Variants in MSRA observed in about 807,000 individuals in gnomAD.
The protein encoded by MSRA is methionine sulfoxide reductase A.
MSRA carries 54 observed loss-of-function variants against 31.3 expected under a neutral mutation model. The observed-to-expected ratio is 1.73, with a 90% confidence interval of 1.39 to 2.17. MSRA has a LOEUF of 2.17. Among genes scored for constraint, MSRA ranks in the 30% most tolerant of loss-of-function variants. The pLI is 0.00. For missense variants in MSRA, 507 were observed against 300.9 expected, an observed-to-expected ratio of 1.69 and a Z score of -5.07; for synonymous variants, 169 against 116.5, an observed-to-expected ratio of 1.45 and a Z score of -2.90.
Position 10,240,874 on chromosome 8 carries a change from C to A in MSRA, c.212-4230C>A, listed in dbSNP as rs188321954. Among the ~76,000 whole-genome samples, 739 of 152,176 alleles carry A rather than the reference C, an allele frequency of 4.9e-3. 6 individuals are homozygous for A. Among genetic ancestry groups the A allele is most frequent in the African/African-American group, 0.016 (684 of 41,518 alleles). ...CCCAAATCGGCCTTTCTCTCTGCCCCCAGCTGGTTTTACAGGATCGCCACA... is the reference window on the plus strand; with the variant it reads ...CCCAAATCGGCCTTTCTCTCTGCCCACAGCTGGTTTTACAGGATCGCCACA... On this transcript the variant is annotated intron_variant, in intron 2 of 5. Coordinates refer to ENST00000317173, the MANE Select transcript of MSRA (RefSeq NM_012331.5).
At chr8:10,176,092 A>G (rs1563183804) in intron 1 of MSRA, among the ~76,000 whole-genome samples, 2 of 152,354 alleles carry the variant, frequency 1.3e-5, no homozygotes, top group East Asian at 1.9e-4. Flanking sequence ...AATAGGACCT[A>G]TTAGATCTGT....
At chr8:10,126,255 G>A (rs1801487708) in intron 1 of MSRA, among the ~76,000 whole-genome samples, 1 of 152,204 alleles carries the variant, frequency 6.6e-6, no homozygotes, top group South Asian at 2.1e-4. Context: ...GATGGTTTTA[G>A]TTACTTCTTT....
intron 1 of MSRA, among the ~76,000 whole-genome samples, chr8:10,197,638 C>G (rs539620081): frequency 6.6e-6 from 1 of 152,228 alleles, no homozygotes; most frequent in Admixed American, 6.5e-5. Context: ...GATCCCCAGG[C>G]CTTGGTGGGG....
At chr8:10,324,460 C>A (rs1802248177) in intron 5 of MSRA, among the ~76,000 whole-genome samples, 2 of 152,250 alleles carry the variant, frequency 1.3e-5, no homozygotes, top group South Asian at 4.2e-4. Flanking sequence ...AACATGGGTT[C>A]CTGCCCATCA....
chr8:10,114,302 G>A (rs903546768), intron 1 of MSRA, among the ~76,000 whole-genome samples: 5 of 152,126 alleles, frequency 3.3e-5, no homozygotes, highest in Non-Finnish European at 4.4e-5. Flanking sequence ...GAACATTGGC[G>A]GACAAGTTCT....
intron 4 of MSRA, among the ~76,000 whole-genome samples, chr8:10,316,418 TG>T (rs1440021725): frequency 6.6e-6 from 1 of 152,098 alleles, no homozygotes; most frequent in Non-Finnish European, 1.5e-5. Flanking sequence ...GGCAGGGATA[TG>T]GGTTTACTAA....
At chr8:10,366,701 C>T (rs999447524) in intron 5 of MSRA, among the ~76,000 whole-genome samples, 12 of 152,290 alleles carry the variant, frequency 7.9e-5, no homozygotes, top group East Asian at 1.9e-4. Flanking sequence ...TTGCTGGGGA[C>T]GTCTGTCCAT....
intron 1 of MSRA, among the ~76,000 whole-genome samples, chr8:10,130,022 C>T (rs1801785036): frequency 6.6e-6 from 1 of 152,200 alleles, no homozygotes; most frequent in African/African-American, 2.4e-5. Flanking sequence ...GCAGTACCTA[C>T]ATCCCTTGGA....
Position 10,319,871 on chromosome 8 carries a change from C to G in MSRA, c.437-12C>G. 2.0e-6 allele frequency: 3 copies of G among 1,500,060 alleles called. No individual in the cohort carries two copies. Among genetic ancestry groups the G allele is most frequent in the Non-Finnish European group, 2.7e-6 (3 of 1,117,288 alleles). 92.9% of individuals were successfully genotyped at this position (1,500,060 alleles called of 1,614,324 possible). A position where few individuals can be genotyped will look rare whatever the true frequency, so the allele number is the denominator to read the frequency against. Reference sequence around the variant, plus strand: ...GTGACCGGGTAACCCTCCCTGTTTTCTGCTTTCCTAGGTATGCGCCAGGGG... The same window carrying G: ...GTGACCGGGTAACCCTCCCTGTTTTGTGCTTTCCTAGGTATGCGCCAGGGG... On this transcript the variant is annotated splice_polypyrimidine_tract_variant and intron_variant, in intron 4 of 5. Coordinates refer to ENST00000317173, the MANE Select transcript of MSRA (RefSeq NM_012331.5).
intron 1 of MSRA, among the ~76,000 whole-genome samples, chr8:10,056,339 T>C (rs985889432): frequency 6.6e-6 from 1 of 152,128 alleles, no homozygotes; most frequent in African/African-American, 2.4e-5. Flanking sequence ...TCCTAATATG[T>C]AAATGACATT....
intron 1 of MSRA, among the ~76,000 whole-genome samples, chr8:10,137,322 G>A (rs1403823316): frequency 6.6e-6 from 1 of 152,162 alleles, no homozygotes; most frequent in Non-Finnish European, 1.5e-5. Context: ...GTTTGACTTA[G>A]GAACGTCTTG....
At chr8:10,137,691 C>A (rs1802386788) in intron 1 of MSRA, among the ~76,000 whole-genome samples, 1 of 152,122 alleles carries the variant, frequency 6.6e-6, no homozygotes, top group Non-Finnish European at 1.5e-5. Flanking sequence ...GGACCTTGTG[C>A]ACAAAGTGGG....
At chr8:10,427,215 G>A (rs1459780641) in intron 5 of MSRA, among the ~76,000 whole-genome samples, 1 of 152,202 alleles carries the variant, frequency 6.6e-6, no homozygotes, top group African/African-American at 2.4e-5. Flanking sequence ...GTGAGAGTGG[G>A]TTGAGCCTCT....
At chr8:10,084,118 G>A (rs1480191187) in intron 1 of MSRA, among the ~76,000 whole-genome samples, 1 of 152,212 alleles carries the variant, frequency 6.6e-6, no homozygotes, top group Non-Finnish European at 1.5e-5. Context: ...GCATTTCAGC[G>A]ACCCTGCTGC....
intron 1 of MSRA, among the ~76,000 whole-genome samples, chr8:10,055,071 C>T (rs1008504414): frequency 1.3e-5 from 2 of 152,214 alleles, no homozygotes; most frequent in Non-Finnish European, 2.9e-5. Context: ...AGGGCACCTG[C>T]AGCGGGGCTG....
intron 1 of MSRA, among the ~76,000 whole-genome samples, chr8:10,193,749 G>C (rs1160423389): frequency 1.3e-5 from 2 of 152,144 alleles, no homozygotes; most frequent in Non-Finnish European, 2.9e-5. Flanking sequence ...ATGAATATGC[G>C]CTGGGTTATC....
At chr8:10,261,381 C>G (rs1705735674) in intron 3 of MSRA, among the ~76,000 whole-genome samples, 1 of 113,994 alleles carries the variant, frequency 8.8e-6, no homozygotes, top group Admixed American at 1.1e-4. Flanking sequence ...GGTATATAAT[C>G]TGTTACTTAA....
chr8:10,352,281 A>T (rs771296621), intron 5 of MSRA, among the ~76,000 whole-genome samples: 38 of 152,352 alleles, frequency 2.5e-4, no homozygotes, highest in Non-Finnish European at 4.9e-4. Flanking sequence ...ATATGAAGAC[A>T]TTACAATAAT....
At chr8:10,347,784 A>G (rs1043802804) in intron 5 of MSRA, among the ~76,000 whole-genome samples, 9 of 152,180 alleles carry the variant, frequency 5.9e-5, no homozygotes, top group East Asian at 1.9e-4. Flanking sequence ...TGACTTTTCA[A>G]TCCCGTTACC....
Sources: gnomAD v4.1 joint callset for allele counts (sites outside exome capture counted in the v4.1 genomes callset) on GRCh38, gnomAD v4.1.1 for gene constraint, MANE v1.5 for transcripts, NCBI Gene and HGNC (gene_info 2026-07-23, HGNC 2026-07-21) for gene names.